The following DOK6 variants were observed in gnomAD, a reference collection of about 807,000 sequenced individuals.
DOK6 encodes downstream of tyrosine kinase 6.
In DOK6, 22 loss-of-function variants were observed where a neutral mutation model predicts 44.0. The observed-to-expected ratio is 0.50, with a 90% CI of 0.36 to 0.71. The LOEUF is 0.71. Ranked by LOEUF, DOK6 falls within the 30% of genes least tolerant of loss-of-function variation. The pLI, the probability that DOK6 is intolerant of heterozygous loss-of-function variation, is 0.00. For missense variants in DOK6, 340 were observed against 416.4 expected, an observed-to-expected ratio of 0.82 and a Z score of 1.60; for synonymous variants, 166 against 145.5, an observed-to-expected ratio of 1.14 and a Z score of -1.01.
In DOK6 at chr18:69,840,469, C is replaced by G. The variant is rs17081712; in HGVS notation, c.857-775C>G. Among the ~76,000 whole-genome samples the G allele has an allele frequency of 5.5e-3, 839 of 152,290 alleles. 18 individuals are homozygous for G. The East Asian group carries it at 0.075, about 14-fold the overall frequency. Reference sequence around the variant, plus strand: ...TCAGAAGCTTTAGTTAGCATGCATGCGTTTCTCTGTACATTGTTAGCATTC... The same window carrying G: ...TCAGAAGCTTTAGTTAGCATGCATGGGTTTCTCTGTACATTGTTAGCATTC... On this transcript the variant is annotated intron_variant, in intron 7 of 7. Coordinates refer to ENST00000382713, the MANE Select transcript of DOK6 (RefSeq NM_152721.6).
chr18:69,730,164 C>T (rs915841019), intron 5 of DOK6, among the ~76,000 whole-genome samples: 2 of 152,214 alleles, frequency 1.3e-5, no homozygotes, highest in South Asian at 4.1e-4. Flanking sequence ...GCAGCCTGCT[C>T]TGACATCTGC....
In DOK6 at chr18:69,841,398, C is replaced by T. The variant is rs1484368965; in HGVS notation, c.*15C>T. 6.2e-7 allele frequency: 1 copy of T among 1,614,016 alleles called. No homozygotes were observed. The highest frequency in any genetic ancestry group is 8.5e-7 in the Non-Finnish European group (1 of 1,180,008). ...TCATCCAATGACACACAGAGAGCCG[C>T]TGTTGACTAGAGAGACAGTCTGTCC... On this transcript the variant is annotated 3_prime_UTR_variant, in exon 8 of 8. Coordinates refer to ENST00000382713, the MANE Select transcript of DOK6 (RefSeq NM_152721.6).
At chr18:69,475,214 G>T (rs1322898447) in intron 1 of DOK6, among the ~76,000 whole-genome samples, 1 of 152,178 alleles carries the variant, frequency 6.6e-6, no homozygotes, top group Non-Finnish European at 1.5e-5. Context: ...AGAAAATGTG[G>T]TTAGGTAGAG....
chr18:69,451,189 A>G (rs1979455338), intron 1 of DOK6, among the ~76,000 whole-genome samples: 1 of 148,694 alleles, frequency 6.7e-6, no homozygotes. Flanking sequence ...AGACACACAT[A>G]GGCTCAAAAT....
rs113367013 is a variant in DOK6, at chr18:69,404,711, C to T, written c.66+3401C>T. Reference sequence around the variant, plus strand: ...AATAGTGTCTTCTACAGACATTTTACATTTCTTACTCAAACTCAGGTGAGA... The same window carrying T: ...AATAGTGTCTTCTACAGACATTTTATATTTCTTACTCAAACTCAGGTGAGA... On this transcript the variant is annotated intron_variant, in intron 1 of 7. Transcript: ENST00000382713. Among the ~76,000 whole-genome samples the T allele has an allele frequency of 8.9e-3, 1,348 of 152,046 alleles. 20 individuals are homozygous for T. Among genetic ancestry groups the T allele is most frequent in the African/African-American group, 0.03 (1,262 of 41,436 alleles).
intron 7 of DOK6, among the ~76,000 whole-genome samples, chr18:69,839,348 C>T (rs1982146449): frequency 2.0e-5 from 3 of 148,556 alleles, no homozygotes; most frequent in African/African-American, 7.5e-5. Context: ...CTCCCCTAGC[C>T]CCTCCCCTGG....
At chr18:69,551,051 TA>T (rs1442609071) in intron 1 of DOK6, among the ~76,000 whole-genome samples, 2 of 152,088 alleles carry the variant, frequency 1.3e-5, no homozygotes, top group Admixed American at 6.6e-5. Context: ...TACTGTACTT[TA>T]AAAAATATAC....
At chr18:69,644,549 A>C (rs753558373) in intron 3 of DOK6, among the ~76,000 whole-genome samples, 103 of 152,306 alleles carry the variant, frequency 6.8e-4, no homozygotes, top group Admixed American at 2.6e-3. Flanking sequence ...CACATTTGTC[A>C]AAAATCATTA....
chr18:69,834,736 G>T (rs140840799), intron 7 of DOK6, among the ~76,000 whole-genome samples: 2,685 of 152,182 alleles, frequency 0.018, 77 homozygotes, highest in African/African-American at 0.061. Flanking sequence ...GAGAGCCCTG[G>T]GTTGCTTCTA....
chr18:69,821,086 C>A (rs1465987922), intron 7 of DOK6, among the ~76,000 whole-genome samples: 8 of 152,040 alleles, frequency 5.3e-5, no homozygotes, highest in Admixed American at 4.6e-4. Context: ...TTGTCCATTC[C>A]TTGATTACAT....
At chr18:69,750,788 C>G (rs1317648317) in intron 6 of DOK6, among the ~76,000 whole-genome samples, 1 of 152,220 alleles carries the variant, frequency 6.6e-6, no homozygotes, top group East Asian at 1.9e-4. Context: ...ATATTCACTG[C>G]AGCATGTTTC....
At chr18:69,443,275 T>C (rs930501332) in intron 1 of DOK6, among the ~76,000 whole-genome samples, 4 of 152,160 alleles carry the variant, frequency 2.6e-5, no homozygotes, top group Admixed American at 2.0e-4. Context: ...GCATAGCTCC[T>C]CTCAGCAAAA....
intron 1 of DOK6, among the ~76,000 whole-genome samples, chr18:69,478,198 T>G (rs1980321127): frequency 6.6e-6 from 1 of 152,194 alleles, no homozygotes; most frequent in Non-Finnish European, 1.5e-5. Context: ...CGAATCACGC[T>G]ATTTTGGGCA....
intron 2 of DOK6, among the ~76,000 whole-genome samples, chr18:69,565,131 C>T (rs571991157): frequency 1.6e-4 from 24 of 152,168 alleles, no homozygotes; most frequent in South Asian, 6.2e-4. Flanking sequence ...CCCAAAATGA[C>T]GCTAAATATA....
chr18:69,628,662 T>C (rs1386876641), intron 3 of DOK6, among the ~76,000 whole-genome samples: 3 of 152,228 alleles, frequency 2.0e-5, no homozygotes, highest in African/African-American at 7.2e-5. Context: ...GATTTTTGAA[T>C]TTTATGAACA....
intron 5 of DOK6, among the ~76,000 whole-genome samples, chr18:69,735,892 G>A (rs1251667130): frequency 6.6e-6 from 1 of 152,146 alleles, no homozygotes; most frequent in African/African-American, 2.4e-5. Context: ...ATAACCAACT[G>A]GTGCCTGCTA....
At position 69,481,533 on chromosome 18, in the gene DOK6, C is replaced by A. The variant is rs1980421905; in HGVS notation, c.66+80223C>A. On this transcript the variant is annotated intron_variant, in intron 1 of 7. Coordinates refer to ENST00000382713, the MANE Select transcript of DOK6 (RefSeq NM_152721.6). ...TGATGGTTTCCAGCTTCATCCGTGT[C>A]CCTACAAAGGACATGAACTCATCCT... 3.3e-5 allele frequency among the ~76,000 whole-genome samples: 5 copies of A among 152,248 alleles called. No individual in the cohort carries two copies. The South Asian group carries it at 1.0e-3, about 32-fold the overall frequency.
At chr18:69,561,258 G>A (rs1186326573) in intron 1 of DOK6, among the ~76,000 whole-genome samples, 1 of 152,042 alleles carries the variant, frequency 6.6e-6, no homozygotes, top group East Asian at 1.9e-4. Flanking sequence ...TAGCCATAAT[G>A]TAAACCTATG....
chr18:69,527,376 G>T (rs62095326), intron 1 of DOK6, among the ~76,000 whole-genome samples: 3,511 of 152,244 alleles, frequency 0.023, 56 homozygotes, highest in Non-Finnish European at 0.035. Flanking sequence ...TAGCAGAAGG[G>T]GAAGTAAACA....
Sources: gnomAD v4.1 joint callset for allele counts (sites outside exome capture counted in the v4.1 genomes callset) on GRCh38, gnomAD v4.1.1 for gene constraint, MANE v1.5 for transcripts, NCBI Gene and HGNC (gene_info 2026-07-23, HGNC 2026-07-21) for gene names.